Variants in NUP205 observed in about 807,000 individuals in gnomAD.
The protein encoded by NUP205 is nuclear pore complex protein Nup205.
In NUP205, 76 loss-of-function variants were observed where a neutral mutation model predicts 253.8. That is an observed-to-expected ratio of 0.30 (90% confidence interval 0.25 to 0.36). NUP205 has a LOEUF of 0.36. Ranked by LOEUF, NUP205 falls within the 10% of genes least tolerant of loss-of-function variation. The probability of loss-of-function intolerance (pLI) is 1.00; values close to 1 mark genes in which losing one functional copy is unlikely to be tolerated. For missense variants in NUP205, 2,162 were observed against 2,425.5 expected (o/e 0.89, Z 2.28); for synonymous variants, 832 against 850.1 (o/e 0.98, Z 0.37).
At chr7:135,566,821 T>G (rs1246253099) in intron 1 of NUP205, among the ~76,000 whole-genome samples, 1 of 152,098 alleles carries the variant, frequency 6.6e-6, no homozygotes, top group African/African-American at 2.4e-5. Flanking sequence ...CACTGCAACC[T>G]CTGCCTCCCA....
intron 22 of NUP205, among the ~76,000 whole-genome samples, chr7:135,610,601 G>A (rs1794206727): frequency 6.7e-6 from 1 of 149,798 alleles, no homozygotes; most frequent in Non-Finnish European, 1.5e-5. Flanking sequence ...GAGCTTATTA[G>A]TGCAGAATCT....
rs1806171208 is a variant in NUP205 at position 135,577,029 on chromosome 7, T to G, written c.549T>G (p.Thr183=). 1.2e-6 allele frequency: 2 copies of G among 1,613,994 alleles called. No homozygotes were observed. Among genetic ancestry groups the G allele is most frequent in the African/African-American group, 2.7e-5 (2 of 74,942 alleles). Residue 183 remains threonine, a synonymous_variant, in exon 5 of 43, where the codon ACT becomes ACG. Transcript: ENST00000285968. ...FTDELMEQGL[T]YKVLTLVSQI... ...ATGAGCTGATGGAGCAAGGATTGAC[T>G]TATAAAGTTCTTACGCTGGTGTCAC...
intron 35 of NUP205, among the ~76,000 whole-genome samples, chr7:135,633,571 T>C (rs1437850017): frequency 6.6e-6 from 1 of 152,218 alleles, no homozygotes; most frequent in Non-Finnish European, 1.5e-5. Context: ...TTCATGAACA[T>C]TTTTTACATT....
intron 1 of NUP205, among the ~76,000 whole-genome samples, chr7:135,558,970 A>G (rs1226246908): frequency 6.6e-6 from 1 of 152,228 alleles, no homozygotes; most frequent in Non-Finnish European, 1.5e-5. Flanking sequence ...ATCATTTCAG[A>G]AAAGCTATGA....
intron 35 of NUP205, among the ~76,000 whole-genome samples, chr7:135,635,079 A>G (rs1794782945): frequency 1.3e-5 from 2 of 152,094 alleles, no homozygotes; most frequent in Non-Finnish European, 2.9e-5. Flanking sequence ...CTATGGCACT[A>G]TTAGAGGTGG....
chr7:135,561,915 C>T (rs890479244), intron 1 of NUP205, among the ~76,000 whole-genome samples: 1 of 147,302 alleles, frequency 6.8e-6, no homozygotes, highest in African/African-American at 2.6e-5. Flanking sequence ...TTCCTTCCTT[C>T]CCTCCTTCCT....
chr7:135,610,569 T>C (rs988115337), intron 22 of NUP205, among the ~76,000 whole-genome samples: 2 of 151,700 alleles, frequency 1.3e-5, no homozygotes, highest in Non-Finnish European at 2.9e-5. Context: ...CAGGGACCAG[T>C]ATCATCAGCA....
At position 135,594,568 on chromosome 7, in the gene NUP205, C is replaced by T. The variant is rs1388013940; in HGVS notation, c.1852C>T (p.Leu618Phe). ...ITWSENARLA[L>F]CEHPQWTPVV... ...TTAGAGTGAAAATGCTCGCTTGGCA[C>T]TCTGTGAACACCCTCAGTGGACCCC... The change falls in exon 13 of 43, where the codon CTC becomes TTC. Residue 618 changes from leucine (L) to phenylalanine (F), a missense_variant. Transcript: ENST00000285968. 6.2e-7 allele frequency: 1 copy of T among 1,602,980 alleles called. No homozygotes were observed. Among genetic ancestry groups the T allele is most frequent in the Admixed American group, 1.7e-5 (1 of 57,292 alleles).
At chr7:135,637,748 C>G (rs984714790) in intron 36 of NUP205, among the ~76,000 whole-genome samples, 183 bp from the exon 37 acceptor site, 1 of 152,104 alleles carries the variant, frequency 6.6e-6, no homozygotes, top group Admixed American at 6.5e-5. Flanking sequence ...AGCTACCAAT[C>G]AAATACCTTT....
rs1434296479 is a variant in NUP205 at position 135,577,905 on chromosome 7, T to C, written c.758T>C (p.Leu253Ser). The C allele has an allele frequency of 6.8e-6, 11 of 1,613,974 alleles. No individual in the cohort carries two copies. Among genetic ancestry groups the C allele is most frequent in the Admixed American group, 1.7e-5 (1 of 59,996 alleles). The change falls in exon 6 of 43, where the codon TTG (leucine) becomes TCG (serine). Residue 253 changes from leucine to serine, a missense_variant. Leu to Ser is a moderately radical substitution (Grantham distance 145). Transcript: ENST00000285968. ...GACACTCTCCTCCTCATTGGACATT[T>C]GGAAAGAGTGACAGTTGAGGCTAAT... ...KEDTLLLIGH[L>S]ERVTVEANGS...
rs1331103137 is a variant in NUP205, at chr7:135,576,480, T to C, written c.488+66T>C. The C allele has an allele frequency of 4.3e-6, 6 of 1,394,422 alleles. No individual in the cohort carries two copies. In the East Asian group the frequency reaches 1.2e-4, roughly 27 times the overall value. The allele number at this position is 1,394,422 out of a possible 1,614,324, so 86.4% of individuals were successfully genotyped here. A position where few individuals can be genotyped will look rare whatever the true frequency, so the allele number is the denominator to read the frequency against. On this transcript the variant is annotated intron_variant, in intron 4 of 42. Transcript: ENST00000285968. ...TACTTGAAGTATGACAATATTTCCC[T>C]TATTATATACAATCTGAGCAATATG... is the stretch of plus-strand genomic sequence containing the variant.
At chr7:135,603,469 A>G (rs1223981324) in intron 18 of NUP205, among the ~76,000 whole-genome samples, 1 of 143,352 alleles carries the variant, frequency 7.0e-6, no homozygotes, top group Non-Finnish European at 1.5e-5. Flanking sequence ...GAACTTTACA[A>G]TTTCTTCTCT....
intron 35 of NUP205, among the ~76,000 whole-genome samples, chr7:135,631,850 C>T (rs1212398301): frequency 2.0e-5 from 3 of 151,486 alleles, no homozygotes; most frequent in East Asian, 1.9e-4. Context: ...CCCCGATTCA[C>T]GCCATTCTCC....
At position 135,648,550 on chromosome 7, in the gene NUP205, G is replaced by A. The variant is rs1486093782; in HGVS notation, c.6033G>A (p.Arg2011=). The A allele has an allele frequency of 6.4e-7, 1 of 1,553,864 alleles. No homozygotes were observed. Among genetic ancestry groups the A allele is most frequent in the Non-Finnish European group, 8.7e-7 (1 of 1,155,278 alleles). ...RRIRGLLRIS[R]N Reference sequence around the variant, plus strand: ...TCCGTGGCCTCTTGAGGATATCAAGGAACTGAGAGCCCGTGCTTATGCTCT... The same window carrying A: ...TCCGTGGCCTCTTGAGGATATCAAGAAACTGAGAGCCCGTGCTTATGCTCT... Residue 2011 remains arginine (R), a synonymous_variant, in exon 43 of 43, where the codon AGG becomes AGA. Coordinates refer to ENST00000285968, the MANE Select transcript of NUP205 (RefSeq NM_015135.3).
intron 32 of NUP205, among the ~76,000 whole-genome samples, chr7:135,625,847 A>G (rs936531913): frequency 1.3e-5 from 2 of 152,140 alleles, no homozygotes; most frequent in African/African-American, 4.8e-5. Context: ...TAGATTCTTC[A>G]TTTACTCCTT....
intron 30 of NUP205, 38 bp from the exon 31 acceptor site, chr7:135,622,739 T>C (rs773972192): frequency 6.2e-7 from 1 of 1,603,482 alleles, no homozygotes; most frequent in South Asian, 1.1e-5. Flanking sequence ...TTACACTGCT[T>C]TTTACTGGAG....
chr7:135,622,856 T>C lies in NUP205; in HGVS notation c.4410T>C (p.Ile1470=). The change falls in exon 31 of 43, where the codon ATT becomes ATC. Residue 1470 remains isoleucine (I), a synonymous_variant. Transcript: ENST00000285968. ...TACAGCGAGAAAACATAGCCATTAT[T>C]GAAAGTTATGGCGCCGCCCTCATGG... ...SKLQRENIAI[I]ESYGAALMEV... 6.2e-7 allele frequency: 1 copy of C among 1,614,182 alleles called. No individual in the cohort carries two copies.
chr7:135,581,639 G>A lies in NUP205; in HGVS notation c.1042+2724G>A, dbSNP rs148755642. Among the ~76,000 whole-genome samples the A allele has an allele frequency of 2.8e-3, 430 of 152,132 alleles. 9 individuals carry two copies. The East Asian group carries it at 0.051, about 18-fold the overall frequency. On this transcript the variant is annotated intron_variant, in intron 7 of 42. Transcript: ENST00000285968. ...GGATGAGGCAGGTGGATCGCTTGAG[G>A]TCAGGAGTTCAAGACCAGACTGGCG...
intron 27 of NUP205, 24 bp from the exon 28 acceptor site, chr7:135,618,388 G>C (rs775979581): frequency 1.2e-6 from 2 of 1,605,056 alleles, no homozygotes; most frequent in South Asian, 2.2e-5. Context: ...GTTTAACCTT[G>C]TGATTCAATT....
Sources: allele counts gnomAD v4.1 joint callset (sites outside exome capture counted in the v4.1 genomes callset), GRCh38; gene constraint gnomAD v4.1.1; transcripts MANE v1.5; gene names NCBI Gene and HGNC (gene_info 2026-07-23, HGNC 2026-07-21).